TRPC4AP: variants seen among roughly 807,000 people sequenced by gnomAD.
The protein encoded by TRPC4AP is short transient receptor potential channel 4-associated protein.
In TRPC4AP, 45 loss-of-function variants were observed where a neutral mutation model predicts 99.0. That is an observed-to-expected ratio of 0.45 (90% CI 0.36 to 0.58). TRPC4AP has a LOEUF of 0.58. Among genes scored for constraint, TRPC4AP ranks in the 20% least tolerant of loss-of-function variants. TRPC4AP has a pLI of 0.00. For missense variants in TRPC4AP, 879 were observed against 985.3 expected (o/e 0.89, Z 1.44); for synonymous variants, 408 against 385.8 (o/e 1.06, Z -0.67).
intron 6 of TRPC4AP, among the ~76,000 whole-genome samples, chr20:35,047,393 T>G (rs1463568982): frequency 2.6e-5 from 4 of 152,258 alleles, no homozygotes; most frequent in Non-Finnish European, 5.9e-5. Flanking sequence ...GCAACTGGCT[T>G]CTACCACTCG....
chr20:35,060,408 G>C (rs1480331916), intron 3 of TRPC4AP, among the ~76,000 whole-genome samples: 1 of 151,826 alleles, frequency 6.6e-6, no homozygotes, highest in Admixed American at 6.6e-5. Context: ...GCAACATAGT[G>C]AGACCCTGTC....
intron 1 of TRPC4AP, among the ~76,000 whole-genome samples, chr20:35,092,401 G>GC (rs564304319): frequency 6.6e-6 from 1 of 152,340 alleles, no homozygotes; most frequent in South Asian, 2.1e-4. Flanking sequence ...CAGCAGCCCA[G>GC]CCCCGCTCGG....
chr20:35,069,528 C>A (rs2084249494), intron 2 of TRPC4AP, 116 bp from the exon 3 acceptor site: 2 of 669,728 alleles, frequency 3.0e-6, no homozygotes, highest in Admixed American at 2.5e-5. Flanking sequence ...CAAAGACAGT[C>A]CCCAATGAAC....
At chr20:35,091,422 T>C (rs750092541) in intron 1 of TRPC4AP, among the ~76,000 whole-genome samples, 4 of 152,172 alleles carry the variant, frequency 2.6e-5, no homozygotes, top group Non-Finnish European at 5.9e-5. Flanking sequence ...ATTCTATCCT[T>C]TTCGTCATTT....
At position 35,050,140 on chromosome 20, in the gene TRPC4AP, G is replaced by A. The variant is rs368732057; in HGVS notation, c.529-146C>T. ...AACAGGAATGGCATGGCTTAACTGT[G>A]GGAAACGCTCGTTAACTCCCCAGCT... On this transcript the variant is annotated intron_variant, in intron 5 of 18. Transcript: ENST00000252015. 1.3e-5 allele frequency: 11 copies of A among 873,114 alleles called. 1 individual carries two copies. Among genetic ancestry groups the A allele is most frequent in the African/African-American group, 8.6e-5 (5 of 58,360 alleles). The allele number at this position is 873,114 out of a possible 1,614,324, so 54.1% of individuals were successfully genotyped here.
At chr20:35,070,744 CACAA>C (rs1215121405) in intron 2 of TRPC4AP, among the ~76,000 whole-genome samples, 1 of 152,160 alleles carries the variant, frequency 6.6e-6, no homozygotes, top group East Asian at 1.9e-4. Flanking sequence ...TTGAGGACAA[CACAA>C]ACAGATCCCA....
chr20:35,046,660 G>T (rs2083567933), intron 6 of TRPC4AP, among the ~76,000 whole-genome samples: 2 of 152,130 alleles, frequency 1.3e-5, no homozygotes, highest in Admixed American at 1.3e-4. Context: ...ATGGAGGACA[G>T]GAATTTGCTG....
intron 2 of TRPC4AP, among the ~76,000 whole-genome samples, chr20:35,077,048 T>A (rs563705511): frequency 6.6e-6 from 1 of 152,218 alleles, no homozygotes; most frequent in Admixed American, 6.5e-5. Flanking sequence ...TCCGTGGGCA[T>A]GGGACCCTCC....
chr20:35,038,249 C>T (rs2083367893), intron 7 of TRPC4AP, among the ~76,000 whole-genome samples: 1 of 146,032 alleles, frequency 6.8e-6, no homozygotes, highest in Admixed American at 7.3e-5. Flanking sequence ...AAAATAATTA[C>T]ACAGAAATAG....
At chr20:35,054,688 C>T (rs767321728) in intron 5 of TRPC4AP, among the ~76,000 whole-genome samples, 26 of 152,182 alleles carry the variant, frequency 1.7e-4, no homozygotes, top group Admixed American at 1.2e-3. Flanking sequence ...AGTCTGCCAA[C>T]ACTTGTCACC....
chr20:35,002,444 T>C lies in TRPC4AP; in HGVS notation c.*702A>G. The C allele has an allele frequency of 2.5e-6, 1 of 392,858 alleles. No individual in the cohort carries two copies. The highest frequency in any genetic ancestry group is 4.5e-6 in the Non-Finnish European group (1 of 223,450). The allele number at this position is 392,858 out of a possible 1,614,324, so 24.3% of individuals were successfully genotyped here. On this transcript the variant is annotated 3_prime_UTR_variant, in exon 19 of 19. Transcript: ENST00000252015. ...AGTTATTTAATAGTCTCCATTTAAT[T>C]GGTTTATTTGCTGTTAATAAATTGG...
chr20:35,056,594 G>A (rs1011297914), intron 4 of TRPC4AP, among the ~76,000 whole-genome samples: 14 of 151,964 alleles, frequency 9.2e-5, no homozygotes, highest in African/African-American at 3.4e-4. Flanking sequence ...TTAAAAAAAC[G>A]CAAAGTTGGT....
rs189797866 is a variant in TRPC4AP at position 35,038,839 on chromosome 20, G to C, written c.866-3531C>G. On this transcript the variant is annotated intron_variant, in intron 7 of 18. Transcript: ENST00000252015. Reference sequence around the variant, plus strand: ...TGTAATCCCAGCACTTTGGGAGGCCGAGGTGGGTGGATCACCTGAGTTTGG... The same window carrying C: ...TGTAATCCCAGCACTTTGGGAGGCCCAGGTGGGTGGATCACCTGAGTTTGG... Among the ~76,000 whole-genome samples, 281 of 152,352 alleles carry C rather than the reference G, an allele frequency of 1.8e-3. 1 individual carries two copies. Among genetic ancestry groups the C allele is most frequent in the African/African-American group, 5.9e-3 (247 of 41,588 alleles).
At chr20:35,052,664 G>C (rs1001377325) in intron 5 of TRPC4AP, among the ~76,000 whole-genome samples, 1 of 151,780 alleles carries the variant, frequency 6.6e-6, no homozygotes, top group African/African-American at 2.4e-5. Context: ...GCTAATTTTT[G>C]TGTTTTTAGT....
chr20:35,016,286 T>A, intron 9 of TRPC4AP, 147 bp from the exon 10 acceptor site: 1 of 910,046 alleles, frequency 1.1e-6, no homozygotes, highest in South Asian at 1.6e-5. Context: ...AAAACATCCG[T>A]GTATCCCCTA....
chr20:35,030,146 T>C (rs555553009), intron 8 of TRPC4AP, among the ~76,000 whole-genome samples: 385 of 146,114 alleles, frequency 2.6e-3, no homozygotes, highest in Non-Finnish European at 4.6e-3. Context: ...GAGGCTGAGG[T>C]AGGGGAATCA....
chr20:35,017,242 G>A (rs745856559), intron 9 of TRPC4AP, among the ~76,000 whole-genome samples: 2 of 152,160 alleles, frequency 1.3e-5, no homozygotes, highest in Non-Finnish European at 2.9e-5. Context: ...TACTGGGAAA[G>A]CAAGTGTGCT....
At chr20:35,075,244 T>C (rs2084442204) in intron 2 of TRPC4AP, among the ~76,000 whole-genome samples, 1 of 152,122 alleles carries the variant, frequency 6.6e-6, no homozygotes, top group Non-Finnish European at 1.5e-5. Flanking sequence ...ACTGGAGCAT[T>C]TAGCCCATTT....
chr20:35,050,024 TG>T, intron 5 of TRPC4AP, 30 bp from the exon 6 acceptor site: 1 of 1,603,710 alleles, frequency 6.2e-7, no homozygotes, highest in Non-Finnish European at 8.5e-7. Flanking sequence ...CAGAATAGGT[TG>T]TAAGTACAAA....
Sources: allele counts gnomAD v4.1 joint callset (sites outside exome capture counted in the v4.1 genomes callset), GRCh38; gene constraint gnomAD v4.1.1; transcripts MANE v1.5; gene names NCBI Gene and HGNC (gene_info 2026-07-23, HGNC 2026-07-21).